The following COL5A2 variants were observed in gnomAD, a reference collection of about 807,000 sequenced individuals.
The protein encoded by COL5A2 is collagen type V alpha 2 chain.
COL5A2 carries 23 observed loss-of-function variants against 208.2 expected under a neutral mutation model. The observed-to-expected ratio is 0.11, with a 90% CI of 0.08 to 0.16. The LOEUF is 0.16. COL5A2 is among the 10% of genes least tolerant of loss of function. The probability of loss-of-function intolerance (pLI) is 1.00; values close to 1 mark genes in which losing one functional copy is unlikely to be tolerated. For synonymous variants in COL5A2, 625 were observed against 628.5 expected, an observed-to-expected ratio of 0.99 and a Z score of 0.08; for missense variants, 1,590 against 1,956.4, an observed-to-expected ratio of 0.81 and a Z score of 3.53.
chr2:189,284,919 T>C, the COL5A2 span, among the ~76,000 whole-genome samples: 103 of 152,246 alleles, frequency 6.8e-4, 3 homozygotes, highest in Non-Finnish European at 1.9e-4. Context: ...TAAGGTATGC[T>C]TGGATAACAA....
intron 38 of COL5A2, 104 bp from the exon 39 acceptor site, chr2:189,053,122 G>T: frequency 1.0e-6 from 1 of 982,922 alleles, no homozygotes; most frequent in Non-Finnish European, 1.6e-6. Context: ...TTGTGAAACA[G>T]TGCTTTATAA....
intron 29 of COL5A2, among the ~76,000 whole-genome samples, chr2:189,062,124 G>A (rs1324394565): frequency 2.6e-5 from 4 of 150,998 alleles, no homozygotes; most frequent in Admixed American, 2.6e-4. Flanking sequence ...GTCCTAAAAT[G>A]AAAATAGACC....
chr2:189,343,287 A>T, the COL5A2 span, among the ~76,000 whole-genome samples: 1 of 152,106 alleles, frequency 6.6e-6, no homozygotes, highest in Non-Finnish European at 1.5e-5. Context: ...TAAGGACAGA[A>T]ATTCTCTGGC....
At chr2:189,125,544 G>A (rs1199630044) in intron 1 of COL5A2, among the ~76,000 whole-genome samples, 1 of 152,018 alleles carries the variant, frequency 6.6e-6, no homozygotes, top group Non-Finnish European at 1.5e-5. Context: ...TACTCAAAAT[G>A]AAGATAATAA....
chr2:189,229,110 C>T (rs577726749), upstream of COL5A2, among the ~76,000 whole-genome samples: 347 of 151,782 alleles, frequency 2.3e-3, 1 homozygote, highest in African/African-American at 7.4e-3. Context: ...AGTCAATATC[C>T]TTTCAGGATA....
the COL5A2 span, among the ~76,000 whole-genome samples, chr2:189,387,601 G>T: frequency 6.6e-6 from 1 of 152,126 alleles, no homozygotes; most frequent in Non-Finnish European, 1.5e-5. Context: ...TTGCATCCAA[G>T]AAGATTAAAA....
At chr2:189,171,235 C>T (rs766307260) in intron 1 of COL5A2, among the ~76,000 whole-genome samples, 1 of 152,096 alleles carries the variant, frequency 6.6e-6, no homozygotes, top group Non-Finnish European at 1.5e-5. Context: ...TCAGCAGGAT[C>T]TTGTATGTCA....
upstream of COL5A2, among the ~76,000 whole-genome samples, chr2:189,226,451 A>C (rs1689420329): frequency 6.6e-6 from 1 of 152,158 alleles, no homozygotes; most frequent in Non-Finnish European, 1.5e-5. Flanking sequence ...AGCAAGTAGA[A>C]GAATTTTTGT....
intron 1 of COL5A2, among the ~76,000 whole-genome samples, chr2:189,162,654 G>A (rs1247654667): frequency 1.3e-5 from 2 of 152,132 alleles, no homozygotes; most frequent in Non-Finnish European, 2.9e-5. Flanking sequence ...GTGAGTATTT[G>A]TGGGTATACT....
At chr2:189,037,052 T>C (rs1685458293) in intron 51 of COL5A2, among the ~76,000 whole-genome samples, 1 of 152,110 alleles carries the variant, frequency 6.6e-6, no homozygotes, top group African/African-American at 2.4e-5. Context: ...GGAAATATCA[T>C]TACCCCCATT....
At chr2:189,377,935 T>A in the COL5A2 span, among the ~76,000 whole-genome samples, 1 of 152,364 alleles carries the variant, frequency 6.6e-6, no homozygotes, top group African/African-American at 2.4e-5. Context: ...GTGCACTTAT[T>A]GGGTCACAGC....
At chr2:189,290,157 G>T in the COL5A2 span, among the ~76,000 whole-genome samples, 1 of 152,138 alleles carries the variant, frequency 6.6e-6, no homozygotes. Flanking sequence ...ACAGAATAGA[G>T]ATTCCAGAAA....
chr2:189,418,482 G>A, the COL5A2 span, among the ~76,000 whole-genome samples: 2 of 152,182 alleles, frequency 1.3e-5, no homozygotes, highest in African/African-American at 4.8e-5. Flanking sequence ...TGCTTTTGCT[G>A]AGTATACTAT....
At chr2:189,162,185 T>C (rs931103882) in intron 1 of COL5A2, among the ~76,000 whole-genome samples, 2 of 152,210 alleles carry the variant, frequency 1.3e-5, no homozygotes, top group African/African-American at 4.8e-5. Flanking sequence ...ATTATCCTTG[T>C]TTTATTTGTC....
At chr2:189,288,114 C>A in the COL5A2 span, among the ~76,000 whole-genome samples, 1 of 151,832 alleles carries the variant, frequency 6.6e-6, no homozygotes, top group African/African-American at 2.4e-5. Context: ...AAAAGAGGTC[C>A]CACAGTAAGT....
chr2:189,059,772 T>G (rs960499718), intron 31 of COL5A2, among the ~76,000 whole-genome samples: 1 of 151,300 alleles, frequency 6.6e-6, no homozygotes, highest in Admixed American at 6.6e-5. Context: ...AATTTTTGTA[T>G]TTTTAGTACA....
chr2:189,048,139 T>G (rs1576492201), intron 45 of COL5A2, 70 bp downstream of exon 45: 1 of 1,416,352 alleles, frequency 7.1e-7, no homozygotes, highest in Non-Finnish European at 1.0e-6. Context: ...AATGACAGTT[T>G]TTAGTGTAAA....
chr2:189,144,240 G>A (rs948087085), intron 1 of COL5A2, among the ~76,000 whole-genome samples: 7 of 151,660 alleles, frequency 4.6e-5, no homozygotes, highest in Non-Finnish European at 1.0e-4. Flanking sequence ...ACAGATGAAA[G>A]AGAAAAAAAA....
intron 1 of COL5A2, among the ~76,000 whole-genome samples, chr2:189,151,273 T>C (rs527690695): frequency 1.3e-5 from 2 of 152,174 alleles, no homozygotes. Context: ...ACATCCAAAA[T>C]GTACCTTCTT....
Sources: gnomAD v4.1 joint callset for allele counts (sites outside exome capture counted in the v4.1 genomes callset) on GRCh38, gnomAD v4.1.1 for gene constraint, MANE v1.5 for transcripts, NCBI Gene and HGNC (gene_info 2026-07-23, HGNC 2026-07-21) for gene names.